The following MARCHF8 variants were observed in gnomAD, a reference collection of about 807,000 sequenced individuals.
MARCHF8 encodes the protein membrane associated ring-CH-type finger 8.
MARCHF8 carries 40 observed loss-of-function variants against 51.6 expected under a neutral mutation model. That is an observed-to-expected ratio of 0.77 (90% confidence interval 0.60 to 1.01). MARCHF8 has a LOEUF of 1.01. Among genes scored for constraint, MARCHF8 ranks in the 50% least tolerant of loss-of-function variants. MARCHF8 has a pLI of 0.00. For synonymous variants in MARCHF8, 263 were observed against 280.3 expected (o/e 0.94, Z 0.62); for missense variants, 685 against 708.6 (o/e 0.97, Z 0.38).
chr10:45,583,794 G>C (rs981594639), intron 1 of MARCHF8, among the ~76,000 whole-genome samples: 4 of 151,756 alleles, frequency 2.6e-5, no homozygotes, highest in Admixed American at 2.0e-4. Flanking sequence ...CTCTTTTAAA[G>C]ACAATAAAGA....
intron 2 of MARCHF8, among the ~76,000 whole-genome samples, chr10:45,501,770 G>A (rs970016400): frequency 6.6e-6 from 1 of 152,104 alleles, no homozygotes; most frequent in Non-Finnish European, 1.5e-5. Flanking sequence ...TTAGAATACA[G>A]AAAGAATTCT....
intron 1 of MARCHF8, among the ~76,000 whole-genome samples, chr10:45,563,215 C>T (rs2044329880): frequency 6.6e-6 from 1 of 152,050 alleles, no homozygotes; most frequent in Admixed American, 6.6e-5. Flanking sequence ...TTTGTAGAGA[C>T]ACTGTCTCAC....
At chr10:45,517,615 T>G (rs1036612748) in intron 2 of MARCHF8, among the ~76,000 whole-genome samples, 1 of 152,220 alleles carries the variant, frequency 6.6e-6, no homozygotes, top group African/African-American at 2.4e-5. Context: ...GATGCCGGTG[T>G]CAGGCTTCCT....
At chr10:45,548,009 A>G (rs1012857044) in intron 1 of MARCHF8, among the ~76,000 whole-genome samples, 1 of 152,236 alleles carries the variant, frequency 6.6e-6, no homozygotes, top group African/African-American at 2.4e-5. Flanking sequence ...GAAACACTGC[A>G]TTTAAAAACT....
rs1842869397 is a variant in MARCHF8, at chr10:45,463,621, G to GT, written c.617dup (p.Asn206LysfsTer45). ...GTTTGGAATTGCCAAGAGGTTTGTG[G>GT]TTCAGGGTTCTTTTTTCTTTATGAT... On this transcript the variant is annotated frameshift_variant, in exon 5 of 8. Transcript: ENST00000453424. LOFTEE classifies it high-confidence loss of function. The GT allele has an allele frequency of 2.6e-6, 4 of 1,550,556 alleles. No homozygotes were observed. Among genetic ancestry groups the GT allele is most frequent in the Admixed American group, 2.0e-5 (1 of 50,994 alleles).
rs34329041 is a variant in MARCHF8 at position 45,561,900 on chromosome 10, C to CAA, written c.-78-28613_-78-28612dup. Among the ~76,000 whole-genome samples, 282 of 40,526 alleles carry CAA rather than the reference C, an allele frequency of 7.0e-3. 3 individuals are homozygous for CAA. Among genetic ancestry groups the CAA allele is most frequent in the Middle Eastern group, 0.017 (1 of 58 alleles). The allele number at this position is 40,526 out of a possible 152,430, so 26.6% of individuals were successfully genotyped here. ...TGGGCAACGGAGCAAGACTCCGTCT[C>CAA]AAAAAAAAAAAAAAAAAAAAAGAAA... On this transcript the variant is annotated intron_variant, in intron 1 of 6. Transcript: ENST00000319836.
At position 45,494,806 on chromosome 10, in the gene MARCHF8, C is replaced by T. The variant is rs2043142668; in HGVS notation, c.103-5389G>A. 2.0e-5 allele frequency among the ~76,000 whole-genome samples: 3 copies of T among 152,256 alleles called. No homozygotes were observed. In the South Asian group the frequency reaches 6.2e-4, roughly 32 times the overall value. On this transcript the variant is annotated intron_variant, in intron 2 of 7. Coordinates refer to ENST00000453424, the MANE Select transcript of MARCHF8 (RefSeq NM_001282866.2). ...CTAGAAGTCTGAAACTTTTTGGTCT[C>T]AGGACCCCTTTATCCTGTAAAAAAT...
chr10:45,563,386 C>G (rs889103506), intron 1 of MARCHF8, among the ~76,000 whole-genome samples: 31 of 152,216 alleles, frequency 2.0e-4, no homozygotes, highest in African/African-American at 7.5e-4. Flanking sequence ...TATATGCAGG[C>G]TGTAGTATAC....
intron 3 of MARCHF8, among the ~76,000 whole-genome samples, chr10:45,471,777 G>C (rs1038112093): frequency 3.3e-5 from 5 of 152,164 alleles, no homozygotes; most frequent in African/African-American, 1.2e-4. Context: ...CTGCTACTAG[G>C]ATCAAATAAA....
intron 3 of MARCHF8, among the ~76,000 whole-genome samples, chr10:45,486,687 G>A (rs182969454): frequency 5.3e-5 from 8 of 152,128 alleles, no homozygotes; most frequent in Admixed American, 6.5e-5. Flanking sequence ...AGGATTCAAC[G>A]AACTTTGACA....
intron 2 of MARCHF8, among the ~76,000 whole-genome samples, chr10:45,530,216 G>T (rs777210149): frequency 1.3e-4 from 20 of 152,104 alleles, no homozygotes; most frequent in Non-Finnish European, 2.8e-4. Flanking sequence ...CTTACAGGTG[G>T]GAGCTGAAAA....
At chr10:45,520,927 C>A (rs1564499625) in intron 2 of MARCHF8, among the ~76,000 whole-genome samples, 1 of 152,124 alleles carries the variant, frequency 6.6e-6, no homozygotes, top group Non-Finnish European at 1.5e-5. Flanking sequence ...ATACTTTTAA[C>A]TTTGTTCTTT....
intron 1 of MARCHF8, among the ~76,000 whole-genome samples, chr10:45,562,312 A>T (rs2044319698): frequency 1.3e-5 from 2 of 152,208 alleles, no homozygotes; most frequent in South Asian, 4.1e-4. Context: ...TACACCTACC[A>T]ATATAAACAA....
intron 3 of MARCHF8, among the ~76,000 whole-genome samples, chr10:45,469,631 C>A (rs552586442): frequency 1.3e-5 from 2 of 151,960 alleles, no homozygotes; most frequent in African/African-American, 4.8e-5. Context: ...TTTGGGGGGC[C>A]GAGGCGGGCG....
At chr10:45,577,954 C>T (rs747402687) in intron 1 of MARCHF8, among the ~76,000 whole-genome samples, 1 of 152,042 alleles carries the variant, frequency 6.6e-6, no homozygotes, top group Non-Finnish European at 1.5e-5. Context: ...CCCAGGAGTT[C>T]GAGGTTACAG....
intron 3 of MARCHF8, among the ~76,000 whole-genome samples, chr10:45,471,296 G>A (rs978722186): frequency 2.0e-5 from 3 of 152,200 alleles, no homozygotes; most frequent in South Asian, 2.1e-4. Flanking sequence ...AGCACTGGTG[G>A]AGGGGACAGA....
At chr10:45,524,494 T>C (rs1429509568) in intron 2 of MARCHF8, among the ~76,000 whole-genome samples, 12 of 152,154 alleles carry the variant, frequency 7.9e-5, no homozygotes, top group Admixed American at 7.9e-4. Context: ...GCAGGTAAGG[T>C]AGATGGATGA....
chr10:45,534,051 C>T (rs574344465), intron 1 of MARCHF8, among the ~76,000 whole-genome samples: 10 of 152,142 alleles, frequency 6.6e-5, no homozygotes, highest in Admixed American at 1.3e-4. Context: ...GGCATGGTGG[C>T]GGGCGCCTGT....
At chr10:45,495,468 A>C (rs1304141267) in intron 2 of MARCHF8, among the ~76,000 whole-genome samples, 1 of 152,152 alleles carries the variant, frequency 6.6e-6, no homozygotes, top group Non-Finnish European at 1.5e-5. Context: ...CTCAGAGTTG[A>C]CATAATCATG....
Sources: allele counts gnomAD v4.1 joint callset (sites outside exome capture counted in the v4.1 genomes callset), GRCh38; gene constraint gnomAD v4.1.1; transcripts MANE v1.5; gene names NCBI Gene and HGNC (gene_info 2026-07-23, HGNC 2026-07-21).